The following ASCC2 variants were observed in gnomAD, a reference collection of about 807,000 sequenced individuals.
ASCC2 encodes ASC-1 complex subunit P100.
In ASCC2, 42 loss-of-function variants were observed where a neutral mutation model predicts 93.5. The ratio of observed to expected loss-of-function variants is 0.45; its 90% CI spans 0.35 to 0.58. The LOEUF (loss-of-function observed/expected upper bound fraction) is 0.58, where lower values mean the gene tolerates loss of function less well. Among genes scored for constraint, ASCC2 ranks in the 20% least tolerant of loss-of-function variants. ASCC2 has a pLI of 0.00. For missense variants in ASCC2, 859 were observed against 977.6 expected, an observed-to-expected ratio of 0.88 and a Z score of 1.62; for synonymous variants, 364 against 384.2, an observed-to-expected ratio of 0.95 and a Z score of 0.62.
chr22:29,817,524 G>A (rs554901981), intron 5 of ASCC2, among the ~76,000 whole-genome samples: 1 of 152,212 alleles, frequency 6.6e-6, no homozygotes, highest in East Asian at 1.9e-4. Context: ...TAAGGCAGGT[G>A]TCACCTCCTC....
In ASCC2 at chr22:29,806,485, C is replaced by T. The variant is rs1157994681; in HGVS notation, c.1085G>A (p.Arg362Lys). Residue 362 changes from arginine (R) to lysine (K), a missense_variant and splice_region_variant, in exon 11 of 20, where the codon AGG (arginine) becomes AAG (lysine). Physicochemically the swap from Arg to Lys is conservative, Grantham distance 26. Transcript: ENST00000307790. Reference sequence around the variant, plus strand: ...CCCAGGCCAGCTCAGCCACACTCACCTCTTCTCCTGCAGCAAGGAGCTGAA... The same window carrying T: ...CCCAGGCCAGCTCAGCCACACTCACTTCTTCTCCTGCAGCAAGGAGCTGAA... Reference protein sequence around the residue: ...QIFSSLLQEKRFLRDYDALFP... With the variant: ...QIFSSLLQEKKFLRDYDALFP... 1 of 1,613,904 alleles carries T rather than the reference C, an allele frequency of 6.2e-7. No individual in the cohort carries two copies. The highest frequency in any genetic ancestry group is 2.2e-5 in the East Asian group (1 of 44,884).
At position 29,802,206 on chromosome 22, in the gene ASCC2, G is replaced by C; in HGVS notation, c.1356C>G (p.Cys452Trp). 6.2e-7 allele frequency: 1 copy of C among 1,613,940 alleles called. No individual in the cohort carries two copies. The highest frequency in any genetic ancestry group is 8.5e-7 in the Non-Finnish European group (1 of 1,180,020). ...SHPENSEEEE[C>W]MGAAAAVGPA... ...GGCCCACAGCCGCGGCTGCTCCCAT[G>C]CACTGTAGTGAGAGCCAGAGCCAAG... is the stretch of plus-strand genomic sequence containing the variant. Residue 452 changes from cysteine to tryptophan, a missense_variant and splice_region_variant, in exon 14 of 20, where the codon TGC (cysteine) becomes TGG (tryptophan). Transcript: ENST00000307790.
chr22:29,825,207 A>ATAGC lies in ASCC2; in HGVS notation c.287_290dup (p.Tyr97Ter). The ATAGC allele has an allele frequency of 6.4e-7, 1 of 1,559,280 alleles. No individual in the cohort carries two copies. The highest frequency in any genetic ancestry group is 8.7e-7 in the Non-Finnish European group (1 of 1,153,204). The stretch of plus-strand genomic sequence containing the variant: ...CCCCCTCGTCGAATTTGCGGGGGAC[A>ATAGC]TAGCGCAGGTAGGAGTCCAGGCACT... On this transcript the variant is annotated stop_gained and frameshift_variant, in exon 4 of 20. Transcript: ENST00000307790. LOFTEE classifies it high-confidence loss of function. This position sits in a 1 kb window ranked among gnomAD's most constrained non-coding sequence, Gnocchi z 4.9.
intron 2 of ASCC2, among the ~76,000 whole-genome samples, chr22:29,829,765 T>A (rs181374843): frequency 2.4e-4 from 37 of 151,994 alleles, no homozygotes; most frequent in South Asian, 1.2e-3. Flanking sequence ...TCAAGTGATC[T>A]ACCTGCCTCA....
At chr22:29,789,243 A>C in intron 19 of ASCC2, 59 bp from the exon 20 acceptor site, 1 of 1,598,874 alleles carries the variant, frequency 6.3e-7, no homozygotes, top group South Asian at 1.1e-5. Context: ...CTCTGGCGGG[A>C]GAGCCCACAG....
At chr22:29,813,161 A>T (rs2060470310) in intron 8 of ASCC2, among the ~76,000 whole-genome samples, 1 of 152,120 alleles carries the variant, frequency 6.6e-6, no homozygotes, top group African/African-American at 2.4e-5. Context: ...GATGACAGGC[A>T]TGAGCCAACG....
intron 15 of ASCC2, among the ~76,000 whole-genome samples, chr22:29,795,920 GATA>G (rs1482481342): frequency 4.6e-5 from 7 of 150,974 alleles, no homozygotes; most frequent in African/African-American, 1.5e-4. Flanking sequence ...TCAAGGGTAA[GATA>G]ATAAAAAAAA....
In ASCC2 at chr22:29,793,363, C is replaced by A. The variant is rs6006259; in HGVS notation, c.1916G>T (p.Arg639Leu). 1.7e-4 allele frequency: 279 copies of A among 1,613,424 alleles called. 2 individuals are homozygous for A. In the African/African-American group the frequency reaches 3.1e-3, roughly 18 times the overall value. Reference protein sequence around the residue: ...DADSDDELISRRPFTIPQVLR... With the variant: ...DADSDDELISLRPFTIPQVLR... Reference sequence around the variant, plus strand: ...GCCACCCCCACTATGGCCTCACCTGCGGCTGATGAGCTCGTCATCAGAGTC... The same window carrying A: ...GCCACCCCCACTATGGCCTCACCTGAGGCTGATGAGCTCGTCATCAGAGTC... The change falls in exon 17 of 20, where the codon CGC becomes CTC. Residue 639 changes from arginine (R) to leucine (L), a missense_variant. Coordinates refer to ENST00000307790, the MANE Select transcript of ASCC2 (RefSeq NM_032204.5).
At chr22:29,809,868 G>C (rs988372345) in intron 8 of ASCC2, 9 of 151,220 alleles carry the variant, frequency 6.0e-5, no homozygotes, top group African/African-American at 2.2e-4. Flanking sequence ...AAAAACAAAA[G>C]AAAAACAGCT....
At chr22:29,821,646 T>C (rs1246312743) in intron 5 of ASCC2, among the ~76,000 whole-genome samples, 1 of 152,230 alleles carries the variant, frequency 6.6e-6, no homozygotes, top group African/African-American at 2.4e-5. Flanking sequence ...CTTACATTCG[T>C]CGCCAAAGGA....
chr22:29,823,664 A>G (rs1182698636), intron 4 of ASCC2, among the ~76,000 whole-genome samples: 2 of 152,188 alleles, frequency 1.3e-5, no homozygotes, highest in African/African-American at 4.8e-5. Flanking sequence ...CCTGGCCAAC[A>G]TGGTGAAACC....
Position 29,802,005 on chromosome 22 carries a change from G to A in ASCC2, c.1557C>T (p.Arg519=), listed in dbSNP as rs1162401304. The A allele has an allele frequency of 6.3e-7, 1 of 1,594,628 alleles. No homozygotes were observed. The highest frequency in any genetic ancestry group is 2.3e-5 in the East Asian group (1 of 44,116). ...RLAPTLSQLD[R]NLDREMKPDP... is the part of the protein sequence containing the mutation. ...CCTGTCTCTCCCACCTGTCTAGGTTGCGGTCCAGCTGGCTGAGGGTGGGGG... is the reference window on the plus strand; with the variant it reads ...CCTGTCTCTCCCACCTGTCTAGGTTACGGTCCAGCTGGCTGAGGGTGGGGG... The change falls in exon 14 of 20, where the codon CGC becomes CGT. Residue 519 remains arginine, a synonymous_variant. Coordinates refer to ENST00000307790, the MANE Select transcript of ASCC2 (RefSeq NM_032204.5).
intron 2 of ASCC2, among the ~76,000 whole-genome samples, chr22:29,826,729 A>G (rs1035350151): frequency 2.0e-5 from 3 of 152,156 alleles, no homozygotes; most frequent in Non-Finnish European, 4.4e-5. Context: ...CCCAGGCCCC[A>G]TGTTCCCTGC....
chr22:29,815,365 AG>A (rs1341478856), intron 6 of ASCC2: 6 of 152,860 alleles, frequency 3.9e-5, no homozygotes, highest in African/African-American at 1.2e-4. Flanking sequence ...AGGCCAGGCA[AG>A]TATAATGAAC....
chr22:29,818,477 C>CACACACACACAG (rs1569410952), intron 5 of ASCC2, among the ~76,000 whole-genome samples: 2 of 86,426 alleles, frequency 2.3e-5, no homozygotes, highest in South Asian at 2.9e-4. Context: ...CACACACACA[C>CACACACACACAG]AGTGAAGGGG....
intron 13 of ASCC2, 47 bp from the exon 14 acceptor site, chr22:29,802,255 T>C: frequency 1.3e-6 from 2 of 1,590,852 alleles, no homozygotes; most frequent in Non-Finnish European, 1.7e-6. Context: ...AGTGGGCCGG[T>C]GATAGGGCCA....
chr22:29,821,926 G>A (rs1569415846), intron 5 of ASCC2: 9 of 451,796 alleles, frequency 2.0e-5, no homozygotes, highest in South Asian at 9.4e-5. Context: ...TTTACTCCAG[G>A]AATGTGAAGC....
chr22:29,795,368 T>G (rs148467675), intron 15 of ASCC2, among the ~76,000 whole-genome samples: 1 of 152,230 alleles, frequency 6.6e-6, no homozygotes, highest in Non-Finnish European at 1.5e-5. Context: ...AGCCTGGATC[T>G]CTTAAACAAA....
chr22:29,822,295 GC>G (rs1167697883), intron 5 of ASCC2, 39 bp downstream of exon 5: 8 of 1,608,772 alleles, frequency 5.0e-6, no homozygotes, highest in Non-Finnish European at 6.8e-6. Flanking sequence ...GCATGTGGGG[GC>G]CATCTTGGTG....
Sources: gnomAD v4.1 joint callset for allele counts (sites outside exome capture counted in the v4.1 genomes callset) on GRCh38, gnomAD v4.1.1 for gene constraint, Gnocchi (gnomAD v3.1) non-coding constraint, MANE v1.5 for transcripts, NCBI Gene and HGNC (gene_info 2026-07-23, HGNC 2026-07-21) for gene names.